Variants in MOB3B observed in about 807,000 individuals in gnomAD.
MOB3B encodes the protein MOB kinase activator-like 2B.
In MOB3B, 7 loss-of-function variants were observed where a neutral mutation model predicts 18.7. The observed-to-expected ratio is 0.37, with a 90% CI of 0.21 to 0.70. MOB3B has a LOEUF of 0.70. Ranked by LOEUF, MOB3B falls within the 30% of genes least tolerant of loss-of-function variation. The pLI is 0.52. For missense variants in MOB3B, 253 were observed against 281.3 expected (o/e 0.90, Z 0.72); for synonymous variants, 111 against 99.9 (o/e 1.11, Z -0.66).
chr9:27,429,332 G>A (rs1822385077), intron 2 of MOB3B, among the ~76,000 whole-genome samples: 1 of 152,032 alleles, frequency 6.6e-6, no homozygotes, highest in Non-Finnish European at 1.5e-5. Context: ...TGTGATATTT[G>A]GAAATATCTC....
intron 2 of MOB3B, among the ~76,000 whole-genome samples, chr9:27,426,411 A>G (rs375951653): frequency 6.6e-6 from 1 of 152,330 alleles, no homozygotes; most frequent in East Asian, 1.9e-4. Context: ...TAGGGGACAT[A>G]CACTGTTTTT....
At chr9:27,460,239 T>G (rs1311561003) in intron 1 of MOB3B, among the ~76,000 whole-genome samples, 1 of 152,114 alleles carries the variant, frequency 6.6e-6, no homozygotes, top group East Asian at 1.9e-4. Flanking sequence ...AACAGGACAA[T>G]AAAGGGTGAG....
At chr9:27,526,784 T>C (rs1460520290) in intron 1 of MOB3B, among the ~76,000 whole-genome samples, 1 of 152,224 alleles carries the variant, frequency 6.6e-6, no homozygotes, top group Non-Finnish European at 1.5e-5. Context: ...AAATGTTTAA[T>C]CTAACTTGAT....
intron 2 of MOB3B, among the ~76,000 whole-genome samples, chr9:27,411,664 T>G (rs572275234): frequency 1.9e-3 from 292 of 152,008 alleles, no homozygotes; most frequent in Middle Eastern, 0.01. Context: ...AAGAAAGAAA[T>G]AAATAAACAT....
intron 1 of MOB3B, chr9:27,525,107 T>C: frequency 1.5e-6 from 1 of 671,370 alleles, no homozygotes; most frequent in East Asian, 2.8e-5. Flanking sequence ...GACACTCACC[T>C]CTCTAAGGAG....
intron 2 of MOB3B, among the ~76,000 whole-genome samples, chr9:27,418,106 A>AAAAAAAAAAAAAAG (rs1822182809): frequency 6.7e-6 from 1 of 149,984 alleles, no homozygotes; most frequent in Non-Finnish European, 1.5e-5. Context: ...AAAAAAAAAA[A>AAAAAAAAAAAAAAG]AAAAAAGTAA....
At chr9:27,413,811 T>G (rs1389422299) in intron 2 of MOB3B, among the ~76,000 whole-genome samples, 1 of 152,190 alleles carries the variant, frequency 6.6e-6, no homozygotes, top group Non-Finnish European at 1.5e-5. Context: ...TCAGCACAAC[T>G]GTGAGCCAGA....
chr9:27,390,678 G>C (rs1821715401), intron 2 of MOB3B, among the ~76,000 whole-genome samples: 1 of 152,158 alleles, frequency 6.6e-6, no homozygotes, highest in Non-Finnish European at 1.5e-5. Context: ...AGCAGTGAGA[G>C]ACTAAGGGCG....
intron 3 of MOB3B, among the ~76,000 whole-genome samples, chr9:27,356,696 AT>A (rs1233491683): frequency 3.3e-5 from 5 of 152,238 alleles, no homozygotes; most frequent in African/African-American, 1.2e-4. Flanking sequence ...GTTATTTTCC[AT>A]TGACCTGAAC....
intron 2 of MOB3B, among the ~76,000 whole-genome samples, chr9:27,449,457 A>G (rs774419156): frequency 8.5e-5 from 13 of 152,190 alleles, no homozygotes; most frequent in Non-Finnish European, 1.5e-4. Context: ...AGTCCTGTGG[A>G]GGTCACAGTT....
Position 27,517,945 on chromosome 9 carries a change from G to A in MOB3B, c.-199+11610C>T, listed in dbSNP as rs185660921. Among the ~76,000 whole-genome samples the A allele has an allele frequency of 3.6e-4, 55 of 152,162 alleles. No homozygotes were observed. In the East Asian group the frequency reaches 0.01, roughly 28 times the overall value. On this transcript the variant is annotated intron_variant, in intron 1 of 3. Transcript: ENST00000262244. ...TACCTGCGGGGAGGGATGTTGGCAG[G>A]AAGAAAAGAGACCCCTCCCCACTTA...
intron 1 of MOB3B, among the ~76,000 whole-genome samples, chr9:27,524,120 C>T (rs906596551): frequency 7.8e-6 from 1 of 128,598 alleles, no homozygotes; most frequent in Non-Finnish European, 1.6e-5. Flanking sequence ...AAAAAGTTAT[C>T]ACTTCCAAAG....
At chr9:27,487,340 G>A (rs1013650608) in intron 1 of MOB3B, among the ~76,000 whole-genome samples, 1 of 151,936 alleles carries the variant, frequency 6.6e-6, no homozygotes, top group Non-Finnish European at 1.5e-5. Context: ...AACATCCCCT[G>A]CCCAGAGATC....
chr9:27,441,158 A>G (rs981810958), intron 2 of MOB3B, among the ~76,000 whole-genome samples: 8 of 152,192 alleles, frequency 5.3e-5, no homozygotes, highest in Non-Finnish European at 1.2e-4. Flanking sequence ...TCCACCAACA[A>G]ATGTAATGTC....
intron 2 of MOB3B, among the ~76,000 whole-genome samples, chr9:27,453,999 G>A (rs751444558): frequency 6.6e-6 from 1 of 152,136 alleles, no homozygotes; most frequent in Admixed American, 6.5e-5. Flanking sequence ...CTGTTAAGAA[G>A]GGGTAGGAGA....
At chr9:27,332,086 G>C (rs887492770) in intron 3 of MOB3B, among the ~76,000 whole-genome samples, 1 of 152,032 alleles carries the variant, frequency 6.6e-6, no homozygotes, top group Non-Finnish European at 1.5e-5. Flanking sequence ...TCAACCACTC[G>C]GGCTCAAGCT....
At chr9:27,403,557 G>A (rs1335713907) in intron 2 of MOB3B, among the ~76,000 whole-genome samples, 1 of 120,018 alleles carries the variant, frequency 8.3e-6, no homozygotes, top group African/African-American at 3.2e-5. Flanking sequence ...TTAAGAGACA[G>A]GGTCTTACCC....
intron 3 of MOB3B, among the ~76,000 whole-genome samples, chr9:27,355,705 A>G (rs917794800): frequency 3.3e-5 from 5 of 150,686 alleles, no homozygotes; most frequent in Admixed American, 1.3e-4. Flanking sequence ...GACTACAGGC[A>G]CCCGCCACCG....
At chr9:27,519,849 T>C (rs1421762003) in intron 1 of MOB3B, among the ~76,000 whole-genome samples, 1 of 151,732 alleles carries the variant, frequency 6.6e-6, no homozygotes. Context: ...CTGACCCCAA[T>C]GCTGAGGCAG....
Sources: allele counts gnomAD v4.1 joint callset (sites outside exome capture counted in the v4.1 genomes callset), GRCh38; gene constraint gnomAD v4.1.1; transcripts MANE v1.5; gene names NCBI Gene and HGNC (gene_info 2026-07-23, HGNC 2026-07-21).